CHN2: variants seen among roughly 807,000 people sequenced by gnomAD.
CHN2 encodes the protein beta-chimaerin.
In CHN2, 35 loss-of-function variants were observed where a neutral mutation model predicts 56.3. The ratio of observed to expected loss-of-function variants is 0.62; its 90% CI spans 0.47 to 0.82. CHN2 has a LOEUF of 0.82. Ranked by LOEUF, CHN2 falls within the 40% of genes least tolerant of loss-of-function variation. The probability of loss-of-function intolerance (pLI) is 0.00; values close to 1 mark genes in which losing one functional copy is unlikely to be tolerated. For missense variants in CHN2, 491 were observed against 580.5 expected, an observed-to-expected ratio of 0.85 and a Z score of 1.58; for synonymous variants, 210 against 212.8, an observed-to-expected ratio of 0.99 and a Z score of 0.12.
intron 5 of CHN2, chr7:29,400,310 A>G (rs1802098204): frequency 1.8e-6 from 1 of 564,094 alleles, no homozygotes. Flanking sequence ...ATATAAACTC[A>G]AGCAGGAACC....
At chr7:29,202,489 G>T (rs1784235238) in intron 1 of CHN2, among the ~76,000 whole-genome samples, 2 of 152,288 alleles carry the variant, frequency 1.3e-5, no homozygotes, top group South Asian at 4.1e-4. Flanking sequence ...AAGGTGGAAG[G>T]TGTCTTTAAA....
At chr7:29,348,752 G>A (rs550913480) in intron 1 of CHN2, among the ~76,000 whole-genome samples, 1 of 151,888 alleles carries the variant, frequency 6.6e-6, no homozygotes. Context: ...TATTTAGTCA[G>A]TGTACTTTTA....
chr7:29,316,911 T>A (rs1053881233), intron 1 of CHN2, among the ~76,000 whole-genome samples: 1 of 152,098 alleles, frequency 6.6e-6, no homozygotes, highest in Non-Finnish European at 1.5e-5. Flanking sequence ...TAAAAAAAAA[T>A]GTTTTATTGC....
intron 1 of CHN2, among the ~76,000 whole-genome samples, chr7:29,268,283 AAC>A (rs145638795): frequency 0.015 from 1,960 of 134,200 alleles, 28 homozygotes; most frequent in African/African-American, 0.037. Flanking sequence ...GCTTCACCAG[AAC>A]ACACACACAC....
chr7:29,443,913 A>G (rs1349746153), intron 6 of CHN2, among the ~76,000 whole-genome samples: 1 of 152,210 alleles, frequency 6.6e-6, no homozygotes, highest in Non-Finnish European at 1.5e-5. Flanking sequence ...TTAGAACAAG[A>G]ATTCAGGAAA....
intron 3 of CHN2, among the ~76,000 whole-genome samples, chr7:29,386,970 G>A (rs776789325): frequency 3.9e-5 from 6 of 152,192 alleles, no homozygotes; most frequent in Admixed American, 6.5e-5. Flanking sequence ...AGGCATTAGC[G>A]CTGATTAGTA....
intron 11 of CHN2, among the ~76,000 whole-genome samples, chr7:29,508,920 C>A (rs1250157222): frequency 6.7e-6 from 1 of 149,632 alleles, no homozygotes; most frequent in Admixed American, 6.6e-5. Flanking sequence ...GCAATACTAC[C>A]GTATGTGGTG....
chr7:29,512,364 G>A (rs562877089), intron 12 of CHN2, among the ~76,000 whole-genome samples, 200 bp from the exon 13 acceptor site: 15 of 152,100 alleles, frequency 9.9e-5, no homozygotes, highest in South Asian at 4.2e-4. Context: ...CATTTCCACC[G>A]GCGAAGGCAA....
intron 9 of CHN2, among the ~76,000 whole-genome samples, chr7:29,501,151 T>G (rs910561098): frequency 3.9e-5 from 6 of 152,236 alleles, no homozygotes; most frequent in African/African-American, 1.4e-4. Flanking sequence ...GAGGATGTCA[T>G]AGCTTATTAT....
intron 1 of CHN2, among the ~76,000 whole-genome samples, chr7:29,239,009 A>C (rs1323085569): frequency 6.6e-6 from 1 of 152,170 alleles, no homozygotes; most frequent in African/African-American, 2.4e-5. Flanking sequence ...ATGGGACATC[A>C]CTGGAAGCAG....
At chr7:29,181,369 C>A (rs2128742801) in intron 2 of CHN2, 1 of 152,306 alleles carries the variant, frequency 6.6e-6, no homozygotes, top group East Asian at 1.9e-4. Flanking sequence ...GGTTGTGCAG[C>A]TGGTGCCCAT....
intron 6 of CHN2, among the ~76,000 whole-genome samples, chr7:29,453,676 T>C (rs1291693702): frequency 6.6e-6 from 1 of 152,170 alleles, no homozygotes; most frequent in African/African-American, 2.4e-5. Context: ...CCCCCAACAT[T>C]GAAACCTAAC....
At chr7:29,384,776 G>T (rs564256054) in intron 3 of CHN2, among the ~76,000 whole-genome samples, 1 of 152,116 alleles carries the variant, frequency 6.6e-6, no homozygotes, top group Non-Finnish European at 1.5e-5. Context: ...TCTGAGCCCC[G>T]TACTGGACAG....
chr7:29,363,106 A>C (rs1798865108), intron 2 of CHN2, among the ~76,000 whole-genome samples: 1 of 152,228 alleles, frequency 6.6e-6, no homozygotes, highest in African/African-American at 2.4e-5. Flanking sequence ...CCTGTTACAC[A>C]CACACTGTCA....
chr7:29,266,228 G>A (rs1182014364), intron 1 of CHN2, among the ~76,000 whole-genome samples: 3 of 152,140 alleles, frequency 2.0e-5, no homozygotes, highest in Admixed American at 2.0e-4. Flanking sequence ...CAGAGGGCCT[G>A]GTCCAGAGTA....
At chr7:29,169,115 C>T (rs1238101314) in intron 2 of CHN2, among the ~76,000 whole-genome samples, 1 of 151,676 alleles carries the variant, frequency 6.6e-6, no homozygotes, top group Non-Finnish European at 1.5e-5. Flanking sequence ...GGAATTTTCC[C>T]CATTTTATTC....
intron 1 of CHN2, among the ~76,000 whole-genome samples, chr7:29,224,143 A>G (rs2128794754): frequency 6.6e-6 from 1 of 152,296 alleles, no homozygotes; most frequent in Non-Finnish European, 1.5e-5. Context: ...GAACATTCTA[A>G]GGGCTACTTC....
At chr7:29,275,456 A>T (rs932805022) in intron 1 of CHN2, among the ~76,000 whole-genome samples, 5 of 152,184 alleles carry the variant, frequency 3.3e-5, no homozygotes, top group African/African-American at 1.2e-4. Flanking sequence ...TCCCACATGT[A>T]AGACTCTATG....
chr7:29,213,413 A>G (rs1016189066), intron 1 of CHN2, among the ~76,000 whole-genome samples: 6 of 151,974 alleles, frequency 3.9e-5, no homozygotes, highest in African/African-American at 1.2e-4. Flanking sequence ...TTTTTTTCCT[A>G]TTGGATCTTC....
Sources: allele counts gnomAD v4.1 joint callset (sites outside exome capture counted in the v4.1 genomes callset), GRCh38; gene constraint gnomAD v4.1.1; transcripts MANE v1.5; gene names NCBI Gene and HGNC (gene_info 2026-07-23, HGNC 2026-07-21).